Variants in RUNX3 observed in about 807,000 individuals in gnomAD.
RUNX3 encodes the protein RUNX family transcription factor 3.
In RUNX3, 10 loss-of-function variants were observed where a neutral mutation model predicts 27.7. That is an observed-to-expected ratio of 0.36 (90% CI 0.22 to 0.61). The LOEUF is 0.61. Ranked by LOEUF, RUNX3 falls within the 20% of genes least tolerant of loss-of-function variation. The pLI is 0.72. For synonymous variants in RUNX3, 270 were observed against 269.2 expected (o/e 1.00, Z -0.03); for missense variants, 469 against 629.5 (o/e 0.75, Z 2.73).
At chr1:24,931,082 C>G (rs1456016022), upstream of RUNX3, among the ~76,000 whole-genome samples, 1 of 152,220 alleles carries the variant, frequency 6.6e-6, no homozygotes, top group Non-Finnish European at 1.5e-5. Flanking sequence ...ATGCGTTTTT[C>G]TTTTTTTCCT....
upstream of RUNX3, among the ~76,000 whole-genome samples, chr1:24,933,043 GCTCT>G (rs1641267366): frequency 1.3e-5 from 2 of 152,346 alleles, no homozygotes; most frequent in Admixed American, 6.5e-5. Flanking sequence ...ATTTAGGAGT[GCTCT>G]CTAAGTGCGT....
At chr1:24,944,199 T>C (rs1256737559) in intron 2 of RUNX3, among the ~76,000 whole-genome samples, 1 of 152,150 alleles carries the variant, frequency 6.6e-6, no homozygotes, top group Non-Finnish European at 1.5e-5. Flanking sequence ...CCAGGCTTGA[T>C]GGGGTCTACA....
At chr1:24,957,324 CCATT>C (rs1028004370) in intron 2 of RUNX3, among the ~76,000 whole-genome samples, 17 of 151,018 alleles carry the variant, frequency 1.1e-4, no homozygotes, top group Non-Finnish European at 2.2e-4. Flanking sequence ...AATCGTCAGC[CCATT>C]CATTCGTTCA....
intron 2 of RUNX3, among the ~76,000 whole-genome samples, chr1:24,919,752 A>AC (rs369959281): frequency 0.074 from 9,890 of 133,946 alleles, 481 homozygotes; most frequent in African/African-American, 0.16. Context: ...AAGAAAAGAC[A>AC]CCCCCCCCCC....
chr1:24,928,793 A>T (rs1004144075), intron 1 of RUNX3: 2 of 336,146 alleles, frequency 5.9e-6, no homozygotes, highest in Non-Finnish European at 1.2e-5. Flanking sequence ...TCTTAATGGG[A>T]GCAGGGACGG....
At chr1:24,942,818 G>A (rs1641510601) in intron 2 of RUNX3, among the ~76,000 whole-genome samples, 1 of 152,202 alleles carries the variant, frequency 6.6e-6, no homozygotes, top group Non-Finnish European at 1.5e-5. Context: ...GTGCCCTAAT[G>A]CCAGGACCTG....
chr1:24,917,470 C>A (rs1026501102), intron 3 of RUNX3, among the ~76,000 whole-genome samples: 1 of 152,168 alleles, frequency 6.6e-6, no homozygotes, highest in Non-Finnish European at 1.5e-5. Context: ...CTCTGTGCTA[C>A]GGCCACGTGC....
At position 24,926,387 on chromosome 1, in the gene RUNX3, C is replaced by G. The variant is rs74812531; in HGVS notation, c.439+1187G>C. On this transcript the variant is annotated intron_variant, in intron 2 of 4. Coordinates refer to ENST00000308873, the MANE Select transcript of RUNX3 (RefSeq NM_004350.3). ...GTTAAGGGCACCGTTTGAAAGAAAT[C>G]TGTGTGTGGGGAAGGGAGCCAACAG... is the stretch of plus-strand genomic sequence containing the variant. Among the ~76,000 whole-genome samples the G allele has an allele frequency of 1.9e-3, 287 of 152,310 alleles. 2 individuals carry two copies. Among genetic ancestry groups the G allele is most frequent in the African/African-American group, 6.4e-3 (264 of 41,560 alleles).
At chr1:24,911,311 A>G (rs749606034) in intron 3 of RUNX3, among the ~76,000 whole-genome samples, 19 of 152,228 alleles carry the variant, frequency 1.2e-4, no homozygotes, top group African/African-American at 4.6e-4. Flanking sequence ...ACAGGAGAAT[A>G]AAGTCCCCTG....
At chr1:24,931,444 T>A (rs1282834512), upstream of RUNX3, among the ~76,000 whole-genome samples, 1 of 152,108 alleles carries the variant, frequency 6.6e-6, no homozygotes, top group Non-Finnish European at 1.5e-5. Context: ...AGGGGCCGGC[T>A]ACAGTTGGGA....
intron 2 of RUNX3, among the ~76,000 whole-genome samples, chr1:24,959,389 G>A (rs976316093): frequency 1.3e-5 from 2 of 152,206 alleles, no homozygotes; most frequent in African/African-American, 4.8e-5. Flanking sequence ...GGGGAGACGG[G>A]TGTGTGCAGG....
At chr1:24,936,807 C>T (rs757168320) in intron 2 of RUNX3, among the ~76,000 whole-genome samples, 5 of 152,154 alleles carry the variant, frequency 3.3e-5, no homozygotes, top group African/African-American at 4.8e-5. Flanking sequence ...TCTCAGAGGC[C>T]GATGGCTCGG....
intron 2 of RUNX3, among the ~76,000 whole-genome samples, chr1:24,938,296 C>T (rs887930868): frequency 3.0e-4 from 46 of 152,326 alleles, no homozygotes; most frequent in African/African-American, 1.1e-3. Context: ...CTGTCTTCAA[C>T]ATTCTAGAAT....
At chr1:24,917,261 C>G (rs1259895867) in intron 3 of RUNX3, among the ~76,000 whole-genome samples, 1 of 152,160 alleles carries the variant, frequency 6.6e-6, no homozygotes. Context: ...CCATGCTGAC[C>G]CTGCCCCTGG....
At chr1:24,957,577 T>C (rs902207447) in intron 2 of RUNX3, among the ~76,000 whole-genome samples, 2 of 152,232 alleles carry the variant, frequency 1.3e-5, no homozygotes, top group African/African-American at 2.4e-5. Flanking sequence ...GCCATGAAGC[T>C]GGGCCTTGAG....
At position 24,899,555 on chromosome 1, in the gene RUNX3, A is replaced by G. The variant is rs1378439136; in HGVS notation, c.*2567T>C. ...GTTATATTATTGTAACAAATCAGTCAAAATTCCATTTTACAGTTAAATAGT... is the reference window on the plus strand; with the variant it reads ...GTTATATTATTGTAACAAATCAGTCGAAATTCCATTTTACAGTTAAATAGT... On this transcript the variant is annotated 3_prime_UTR_variant, in exon 5 of 5. Coordinates refer to ENST00000308873, the MANE Select transcript of RUNX3 (RefSeq NM_004350.3). 6.6e-6 allele frequency: 1 copy of G among 152,634 alleles called. No individual in the cohort carries two copies. Among genetic ancestry groups the G allele is most frequent in the Non-Finnish European group, 1.5e-5 (1 of 68,028 alleles). 9.5% of individuals were successfully genotyped at this position (152,634 alleles called of 1,614,324 possible). A position where few individuals can be genotyped will look rare whatever the true frequency, so the allele number is the denominator to read the frequency against.
chr1:24,960,747 C>A (rs1399756532), intron 2 of RUNX3, among the ~76,000 whole-genome samples: 1 of 152,150 alleles, frequency 6.6e-6, no homozygotes, highest in Non-Finnish European at 1.5e-5. Context: ...CCCAGTGGAA[C>A]CGTGCATGGG....
Position 24,914,940 on chromosome 1 carries a change from G to A in RUNX3, c.544+4300C>T, listed in dbSNP as rs115664938. 5.2e-3 allele frequency among the ~76,000 whole-genome samples: 786 copies of A among 152,232 alleles called. 1 individual carries two copies. The highest frequency in any genetic ancestry group is 0.018 in the African/African-American group (744 of 41,538). On this transcript the variant is annotated intron_variant, in intron 3 of 4. Transcript: ENST00000308873. ...CCATCCCTTGTTCCATCCCTTGCACGCTCCACTCCTTCTCCCAGCTTTGTT... is the reference window on the plus strand; with the variant it reads ...CCATCCCTTGTTCCATCCCTTGCACACTCCACTCCTTCTCCCAGCTTTGTT...
chr1:24,927,866 G>A lies in RUNX3; in HGVS notation c.283-136C>T. On this transcript the variant is annotated intron_variant, in intron 1 of 4. Transcript: ENST00000308873. This position sits in a 1 kb window ranked among gnomAD's most constrained non-coding sequence, Gnocchi z 5.0. ...CTGAGTATTTCTCCAATGCAGGGTG[G>A]AGAAGAGGCTTAAAAACAATAAAGA... 4.3e-6 allele frequency: 3 copies of A among 704,836 alleles called. No homozygotes were observed. Among genetic ancestry groups the A allele is most frequent in the Non-Finnish European group, 7.3e-6 (3 of 411,786 alleles). 43.7% of individuals were successfully genotyped at this position (704,836 alleles called of 1,614,324 possible).
Sources: allele counts gnomAD v4.1 joint callset (sites outside exome capture counted in the v4.1 genomes callset), GRCh38; gene constraint gnomAD v4.1.1; non-coding constraint Gnocchi (gnomAD v3.1); transcripts MANE v1.5; gene names NCBI Gene and HGNC (gene_info 2026-07-23, HGNC 2026-07-21).